Variants in CDH8 observed in about 807,000 individuals in gnomAD.
CDH8 encodes the protein cadherin-8.
CDH8 carries 17 observed loss-of-function variants against 68.1 expected under a neutral mutation model. The observed-to-expected ratio is 0.25, with a 90% CI of 0.17 to 0.37. The LOEUF is 0.37. CDH8 is among the 10% of genes least tolerant of loss of function. CDH8 has a pLI of 1.00. For synonymous variants in CDH8, 372 were observed against 365.1 expected, an observed-to-expected ratio of 1.02 and a Z score of -0.21; for missense variants, 763 against 999.3, an observed-to-expected ratio of 0.76 and a Z score of 3.19.
At position 61,879,795 on chromosome 16, in the gene CDH8, A is replaced by G. The variant is rs1213334233; in HGVS notation, c.547+21384T>C. Among the ~76,000 whole-genome samples the G allele has an allele frequency of 4.6e-5, 7 of 152,338 alleles. No individual in the cohort carries two copies. In the East Asian group the frequency reaches 1.4e-3, roughly 29 times the overall value. Reference sequence around the variant, plus strand: ...GCCCCGAAAAACAACAAGGAACAATATAAGCACAAGTTTCACCTACAGAGA... The same window carrying G: ...GCCCCGAAAAACAACAAGGAACAATGTAAGCACAAGTTTCACCTACAGAGA... On this transcript the variant is annotated intron_variant, in intron 3 of 11. Transcript: ENST00000577390.
intron 10 of CDH8, among the ~76,000 whole-genome samples, chr16:61,672,233 A>G (rs563081209): frequency 1.3e-5 from 2 of 152,214 alleles, no homozygotes; most frequent in South Asian, 4.1e-4. Context: ...AGTTATGCTT[A>G]ACAAATCCAG....
At chr16:61,661,338 T>C (rs912687100) in intron 10 of CDH8, among the ~76,000 whole-genome samples, 1 of 151,836 alleles carries the variant, frequency 6.6e-6, no homozygotes, top group African/African-American at 2.4e-5. Flanking sequence ...GTGAACTATA[T>C]GCTAGGCCAT....
chr16:61,879,178 TG>T (rs1331610284), intron 3 of CDH8, among the ~76,000 whole-genome samples: 1 of 152,068 alleles, frequency 6.6e-6, no homozygotes, highest in African/African-American at 2.4e-5. Flanking sequence ...TTACCTCTGA[TG>T]ACAACAATTT....
At chr16:61,664,454 G>A (rs2142762703) in intron 10 of CDH8, among the ~76,000 whole-genome samples, 1 of 151,956 alleles carries the variant, frequency 6.6e-6, no homozygotes, top group Admixed American at 6.6e-5. Context: ...GTAACCATAA[G>A]CTATATTTTG....
intron 9 of CDH8, among the ~76,000 whole-genome samples, chr16:61,723,939 C>A (rs1959267090): frequency 6.6e-6 from 1 of 150,482 alleles, no homozygotes; most frequent in South Asian, 2.1e-4. Flanking sequence ...AGATGTATAC[C>A]ATCTTAAGTC....
At chr16:61,851,659 C>CA (rs144598683) in intron 4 of CDH8, among the ~76,000 whole-genome samples, 371 of 139,506 alleles carry the variant, frequency 2.7e-3, no homozygotes, top group Admixed American at 4.9e-3. Context: ...GAGGGGAAAA[C>CA]AAAAAAAAAA....
At chr16:61,865,514 G>A (rs759672260) in intron 3 of CDH8, among the ~76,000 whole-genome samples, 6 of 152,136 alleles carry the variant, frequency 3.9e-5, no homozygotes, top group East Asian at 1.9e-4. Context: ...TCTTAGACAC[G>A]TTTATATGCA....
chr16:61,858,508 C>T (rs1357843427), intron 3 of CDH8, among the ~76,000 whole-genome samples: 3 of 152,150 alleles, frequency 2.0e-5, no homozygotes, highest in African/African-American at 2.4e-5. Context: ...ATTGAATATA[C>T]CTTTACTCAT....
At chr16:61,669,324 A>G (rs1275514184) in intron 10 of CDH8, among the ~76,000 whole-genome samples, 1 of 152,024 alleles carries the variant, frequency 6.6e-6, no homozygotes, top group East Asian at 1.9e-4. Flanking sequence ...ATAAGACGTC[A>G]CTGGCACAGG....
At chr16:61,764,708 T>G (rs1960546139) in intron 8 of CDH8, among the ~76,000 whole-genome samples, 1 of 152,076 alleles carries the variant, frequency 6.6e-6, no homozygotes. Context: ...AATGTTCATT[T>G]TAATGTACAG....
intron 4 of CDH8, among the ~76,000 whole-genome samples, chr16:61,830,896 C>T (rs1292943163): frequency 6.6e-6 from 1 of 151,764 alleles, no homozygotes; most frequent in African/African-American, 2.4e-5. Context: ...ATTATCTGAT[C>T]ACAACTTTTA....
chr16:61,848,396 G>T (rs185604550), intron 4 of CDH8, among the ~76,000 whole-genome samples: 1 of 152,036 alleles, frequency 6.6e-6, no homozygotes. Context: ...GTCAACACTG[G>T]AAAGCTCCTT....
At chr16:62,025,179 T>C (rs919170895) in intron 1 of CDH8, among the ~76,000 whole-genome samples, 2 of 152,172 alleles carry the variant, frequency 1.3e-5, no homozygotes, top group African/African-American at 4.8e-5. Flanking sequence ...AGTCAACCAA[T>C]GGATACAAAC....
intron 7 of CDH8, among the ~76,000 whole-genome samples, chr16:61,811,445 T>C (rs572612412): frequency 2.0e-5 from 3 of 152,266 alleles, no homozygotes; most frequent in Admixed American, 2.0e-4. Flanking sequence ...TATACGCTGT[T>C]GGTGGGAATG....
At chr16:61,960,634 G>T (rs532824120) in intron 2 of CDH8, among the ~76,000 whole-genome samples, 36 of 152,186 alleles carry the variant, frequency 2.4e-4, no homozygotes, top group Middle Eastern at 3.4e-3. Flanking sequence ...CTGAGCAAAT[G>T]GATGAATTAT....
chr16:61,720,653 TA>T (rs901549198), intron 9 of CDH8, among the ~76,000 whole-genome samples: 10 of 150,750 alleles, frequency 6.6e-5, no homozygotes, highest in Admixed American at 4.0e-4. Context: ...TAATTTTTTT[TA>T]AAAAAATTTA....
intron 9 of CDH8, among the ~76,000 whole-genome samples, chr16:61,716,652 G>A (rs151060944): frequency 2.0e-5 from 3 of 151,812 alleles, no homozygotes; most frequent in African/African-American, 4.8e-5. Context: ...CTCATGTCAA[G>A]CTCAGTGCAT....
chr16:61,688,142 G>A (rs1249882402), intron 10 of CDH8, among the ~76,000 whole-genome samples: 1 of 151,978 alleles, frequency 6.6e-6, no homozygotes, highest in African/African-American at 2.4e-5. Flanking sequence ...GGAGAAGGAA[G>A]GGGAAACCCA....
At chr16:61,835,752 C>T (rs906635692) in intron 4 of CDH8, among the ~76,000 whole-genome samples, 8 of 151,876 alleles carry the variant, frequency 5.3e-5, no homozygotes, top group African/African-American at 1.5e-4. Flanking sequence ...ACTAATTACA[C>T]GTATAATAAG....
Sources: gnomAD v4.1 joint callset for allele counts (sites outside exome capture counted in the v4.1 genomes callset) on GRCh38, gnomAD v4.1.1 for gene constraint, MANE v1.5 for transcripts, NCBI Gene and HGNC (gene_info 2026-07-23, HGNC 2026-07-21) for gene names.